The following ANKRD31 variants were observed in gnomAD, a reference collection of about 807,000 sequenced individuals.
ANKRD31 encodes the protein ankyrin repeat domain-containing protein 31.
Under a neutral mutation model 186.0 loss-of-function variants are expected in ANKRD31, and 147 were observed. That is an observed-to-expected ratio of 0.79 (90% CI 0.69 to 0.91). The LOEUF is 0.91. Ranked by LOEUF, ANKRD31 falls within the 40% of genes least tolerant of loss-of-function variation. The probability of loss-of-function intolerance (pLI) is 0.00; values close to 1 mark genes in which losing one functional copy is unlikely to be tolerated. For missense variants in ANKRD31, 1,986 were observed against 2,148.8 expected (o/e 0.92, Z 1.50); for synonymous variants, 673 against 736.4 (o/e 0.91, Z 1.39).
chr5:75,096,202 G>A (rs976616363), intron 22 of ANKRD31, among the ~76,000 whole-genome samples: 1 of 152,038 alleles, frequency 6.6e-6, no homozygotes, highest in African/African-American at 2.4e-5. Context: ...TTTAATAATC[G>A]TCATTCTGAC....
At chr5:75,197,619 G>A (rs562900430) in intron 6 of ANKRD31, among the ~76,000 whole-genome samples, 1 of 152,248 alleles carries the variant, frequency 6.6e-6, no homozygotes, top group South Asian at 2.1e-4. Context: ...GAATATGCAA[G>A]AAATTCAAGA....
intron 15 of ANKRD31, 75 bp downstream of exon 15, chr5:75,143,926 A>G: frequency 2.5e-6 from 1 of 395,196 alleles, no homozygotes. Flanking sequence ...GAAAGTTTAG[A>G]AATTCCTTGA....
At chr5:75,204,311 A>G (rs995703581) in intron 5 of ANKRD31, among the ~76,000 whole-genome samples, 5 of 152,178 alleles carry the variant, frequency 3.3e-5, no homozygotes, top group African/African-American at 1.2e-4. Context: ...TCCCAGGGTT[A>G]CAGATTACCT....
chr5:75,095,473 C>CAAAA (rs61017772), intron 22 of ANKRD31, among the ~76,000 whole-genome samples: 1 of 144,688 alleles, frequency 6.9e-6, no homozygotes, highest in Non-Finnish European at 1.5e-5. Flanking sequence ...GACTCCGTCT[C>CAAAA]AAAAAAAAAA....
At chr5:75,097,701 C>T (rs1029033760) in intron 22 of ANKRD31, among the ~76,000 whole-genome samples, 1 of 152,154 alleles carries the variant, frequency 6.6e-6, no homozygotes, top group Non-Finnish European at 1.5e-5. Context: ...GTTGCCATTG[C>T]TTTTGGTGTT....
chr5:75,086,597 A>G (rs1402640979), intron 23 of ANKRD31, among the ~76,000 whole-genome samples: 5 of 152,214 alleles, frequency 3.3e-5, no homozygotes, highest in African/African-American at 1.2e-4. Context: ...TTCACTGTCC[A>G]AAACCCATTT....
intron 10 of ANKRD31, among the ~76,000 whole-genome samples, chr5:75,187,385 T>C (rs1489405492): frequency 6.7e-6 from 1 of 149,852 alleles, no homozygotes; most frequent in African/African-American, 2.5e-5. Flanking sequence ...CCTGAGACAA[T>C]GAGGAAAAGG....
intron 10 of ANKRD31, among the ~76,000 whole-genome samples, chr5:75,175,939 G>A (rs1467550107): frequency 2.0e-5 from 3 of 152,084 alleles, no homozygotes; most frequent in Non-Finnish European, 4.4e-5. Context: ...GTGAGGCATC[G>A]CCACACCCGG....
Position 75,168,991 on chromosome 5 carries a change from A to T in ANKRD31, c.1695T>A (p.Asn565Lys). The T allele has an allele frequency of 6.5e-7, 1 of 1,536,038 alleles. No homozygotes were observed. Among genetic ancestry groups the T allele is most frequent in the Non-Finnish European group, 8.7e-7 (1 of 1,146,118 alleles). ...QITPLHDAVM[N>K]GHYKVAELLL... The stretch of plus-strand genomic sequence containing the variant: ...AGCATCACAGTACCTTATAATGTCC[A>T]TTCATCACTGCATCATGTAGGGGAG... The change falls in exon 11 of 26, where the codon AAT becomes AAA. Residue 565 changes from asparagine (N) to lysine (K), a missense_variant. Physicochemically the swap from Asn to Lys is moderately conservative, Grantham distance 94. Coordinates refer to ENST00000506364, the MANE Select transcript of ANKRD31 (RefSeq NM_001372053.1).
At chr5:75,167,841 G>A (rs1328757226) in intron 11 of ANKRD31, among the ~76,000 whole-genome samples, 3 of 152,118 alleles carry the variant, frequency 2.0e-5, no homozygotes, top group Non-Finnish European at 4.4e-5. Flanking sequence ...AGGAAGAAAA[G>A]ACTCTTGATC....
chr5:75,156,969 G>T (rs1752222931), intron 11 of ANKRD31, among the ~76,000 whole-genome samples: 1 of 152,170 alleles, frequency 6.6e-6, no homozygotes, highest in Non-Finnish European at 1.5e-5. Context: ...TACAGATTTG[G>T]GTACCAGAAA....
intron 22 of ANKRD31, among the ~76,000 whole-genome samples, chr5:75,100,318 T>C (rs929408099): frequency 1.3e-5 from 2 of 152,198 alleles, no homozygotes; most frequent in South Asian, 2.1e-4. Context: ...TCTTTTACAT[T>C]TGCTGAGGAG....
chr5:75,148,107 T>C (rs947412671), intron 13 of ANKRD31, among the ~76,000 whole-genome samples: 1 of 151,722 alleles, frequency 6.6e-6, no homozygotes, highest in South Asian at 2.1e-4. Context: ...AGCAGAAAAA[T>C]TGACTTAAAA....
At chr5:75,220,448 G>A (rs1037666648) in intron 3 of ANKRD31, among the ~76,000 whole-genome samples, 2 of 151,724 alleles carry the variant, frequency 1.3e-5, no homozygotes, top group African/African-American at 2.4e-5. Context: ...GAGACCAGCC[G>A]AACCAACACA....
At chr5:75,141,592 C>T (rs545627346) in intron 15 of ANKRD31, among the ~76,000 whole-genome samples, 97 of 151,968 alleles carry the variant, frequency 6.4e-4, no homozygotes, top group African/African-American at 2.1e-3. Context: ...GAGTCGAGAT[C>T]GTGCCACTGC....
intron 22 of ANKRD31, among the ~76,000 whole-genome samples, chr5:75,098,118 G>A (rs1337034301): frequency 1.3e-5 from 2 of 151,710 alleles, no homozygotes; most frequent in East Asian, 1.9e-4. Context: ...TCTGCCTCCC[G>A]AGTAGCTGGG....
chr5:75,096,787 A>G (rs2150041235), intron 22 of ANKRD31, among the ~76,000 whole-genome samples: 1 of 151,960 alleles, frequency 6.6e-6, no homozygotes, highest in Non-Finnish European at 1.5e-5. Flanking sequence ...TACATTAGGT[A>G]TATCTCCTAA....
chr5:75,083,296 C>T lies in ANKRD31; in HGVS notation c.5575+976G>A, dbSNP rs183846129. Among the ~76,000 whole-genome samples, 617 of 152,236 alleles carry T rather than the reference C, an allele frequency of 4.1e-3. 6 individuals carry two copies. The highest frequency in any genetic ancestry group is 3.4e-3 in the Middle Eastern group (1 of 294). ...TTTCAGATTCTGAGATTTCAGATTT[C>T]GGATTTTTGAATTAAGGATGTTCAA... On this transcript the variant is annotated intron_variant, in intron 24 of 25. Coordinates refer to ENST00000506364, the MANE Select transcript of ANKRD31 (RefSeq NM_001372053.1).
At chr5:75,167,587 G>C (rs558640200) in intron 11 of ANKRD31, among the ~76,000 whole-genome samples, 15 of 152,326 alleles carry the variant, frequency 9.8e-5, no homozygotes, top group Admixed American at 3.3e-4. Flanking sequence ...CAGATTGGAG[G>C]ATTGCAAGAG....
Sources: allele counts gnomAD v4.1 joint callset (sites outside exome capture counted in the v4.1 genomes callset), GRCh38; gene constraint gnomAD v4.1.1; transcripts MANE v1.5; gene names NCBI Gene and HGNC (gene_info 2026-07-23, HGNC 2026-07-21).